HS3ST4: variants seen among roughly 807,000 people sequenced by gnomAD.
HS3ST4 encodes heparan sulfate-glucosamine 3-sulfotransferase 4.
A neutral mutation model predicts 29.2 loss-of-function variants in HS3ST4; 17 were observed. That is an observed-to-expected ratio of 0.58 (90% confidence interval 0.40 to 0.87). The LOEUF (loss-of-function observed/expected upper bound fraction) is 0.87. Among genes scored for constraint, HS3ST4 ranks in the 40% least tolerant of loss-of-function variants. The probability of loss-of-function intolerance (pLI) is 0.00; values close to 1 mark genes in which losing one functional copy is unlikely to be tolerated. For missense variants in HS3ST4, 627 were observed against 634.5 expected, an observed-to-expected ratio of 0.99 and a Z score of 0.13; for synonymous variants, 314 against 285.7, an observed-to-expected ratio of 1.10 and a Z score of -1.00.
intron 1 of HS3ST4, among the ~76,000 whole-genome samples, chr16:25,726,451 CACAT>C (rs1966535423): frequency 6.6e-6 from 1 of 151,690 alleles, no homozygotes; most frequent in South Asian, 2.1e-4. Flanking sequence ...AACACACACA[CACAT>C]ACACACACAC....
intron 1 of HS3ST4, among the ~76,000 whole-genome samples, chr16:25,986,958 G>A (rs148062176): frequency 6.6e-6 from 1 of 152,334 alleles, no homozygotes; most frequent in Non-Finnish European, 1.5e-5. Context: ...TCAGAAACAG[G>A]TTGTTAATCG....
intron 1 of HS3ST4, among the ~76,000 whole-genome samples, chr16:25,893,778 T>C (rs116446709): frequency 0.015 from 2,272 of 152,312 alleles, 71 homozygotes; most frequent in African/African-American, 0.052. Flanking sequence ...GTGATGGGCA[T>C]TGGACAGGTG....
intron 1 of HS3ST4, among the ~76,000 whole-genome samples, chr16:26,081,173 G>A (rs1485778284): frequency 2.0e-5 from 3 of 151,888 alleles, no homozygotes; most frequent in African/African-American, 7.3e-5. Context: ...TGTAGTCCCA[G>A]CTATTTGGGA....
At chr16:26,028,857 C>T (rs751558891) in intron 1 of HS3ST4, 1 of 152,198 alleles carries the variant, frequency 6.6e-6, no homozygotes, top group Non-Finnish European at 1.5e-5. Context: ...AACACAGAGC[C>T]CTGACCTACA....
At chr16:25,701,171 G>A (rs1233751035) in intron 1 of HS3ST4, among the ~76,000 whole-genome samples, 3 of 152,196 alleles carry the variant, frequency 2.0e-5, no homozygotes, top group African/African-American at 7.2e-5. Context: ...GTTTAGGCAA[G>A]ATGGTAAGAA....
At chr16:26,120,760 G>C (rs1899264768) in intron 1 of HS3ST4, among the ~76,000 whole-genome samples, 1 of 152,200 alleles carries the variant, frequency 6.6e-6, no homozygotes, top group East Asian at 1.9e-4. Flanking sequence ...AACATTGTCT[G>C]TCTTGCTGAC....
intron 1 of HS3ST4, among the ~76,000 whole-genome samples, chr16:26,000,114 C>T (rs901553917): frequency 6.6e-6 from 1 of 151,586 alleles, no homozygotes; most frequent in African/African-American, 2.4e-5. Flanking sequence ...GAAAGTTAAG[C>T]TCTTGCAATT....
chr16:26,121,465 G>A (rs1327173235), intron 1 of HS3ST4, among the ~76,000 whole-genome samples: 1 of 152,190 alleles, frequency 6.6e-6, no homozygotes, highest in Non-Finnish European at 1.5e-5. Flanking sequence ...GCTCAGAATT[G>A]CGATGGTCCA....
At chr16:25,828,284 CTTTCTTTCTTTCTTTCCCTCTCTCTCT>C (rs1967249995) in intron 1 of HS3ST4, among the ~76,000 whole-genome samples, 1 of 89,452 alleles carries the variant, frequency 1.1e-5, no homozygotes, top group Non-Finnish European at 2.2e-5. Context: ...TTCTTTCTTT[CTTTCTTTCTTTCTTTCCCTCTCTCTCT>C]CTCTCTCTCT....
At chr16:25,858,040 C>T (rs184759934) in intron 1 of HS3ST4, among the ~76,000 whole-genome samples, 7 of 141,838 alleles carry the variant, frequency 4.9e-5, no homozygotes, top group Admixed American at 4.2e-4. Context: ...CTTTCTCTTT[C>T]TTCTTTCTCT....
chr16:25,848,495 G>T, intron 1 of HS3ST4, among the ~76,000 whole-genome samples: 1 of 150,878 alleles, frequency 6.6e-6, no homozygotes, highest in Non-Finnish European at 1.5e-5. Context: ...CCCTTTTTGA[G>T]TTTACTTTGG....
chr16:25,721,685 G>A (rs1213047560), intron 1 of HS3ST4, among the ~76,000 whole-genome samples: 2 of 152,166 alleles, frequency 1.3e-5, no homozygotes, highest in Non-Finnish European at 2.9e-5. Context: ...GACATCTGTT[G>A]GATTACACCT....
At chr16:25,749,778 T>C (rs1350017247) in intron 1 of HS3ST4, among the ~76,000 whole-genome samples, 1 of 152,212 alleles carries the variant, frequency 6.6e-6, no homozygotes, top group Non-Finnish European at 1.5e-5. Context: ...TTCTTTGTTG[T>C]TGTTTTTATT....
chr16:26,001,993 G>A (rs184300878), intron 1 of HS3ST4, among the ~76,000 whole-genome samples: 1,813 of 152,246 alleles, frequency 0.012, 19 homozygotes, highest in Non-Finnish European at 0.018. Context: ...CAAGGAAAAT[G>A]AACAAGCCAC....
At chr16:25,758,057 A>G (rs8046752) in intron 1 of HS3ST4, among the ~76,000 whole-genome samples, 23,143 of 152,094 alleles carry the variant, frequency 0.15, 2,008 homozygotes, top group African/African-American at 0.23. Flanking sequence ...TCAGTCTGTC[A>G]TAGAAAGATT....
intron 1 of HS3ST4, among the ~76,000 whole-genome samples, chr16:25,936,325 A>G (rs1968516887): frequency 6.6e-6 from 1 of 152,166 alleles, no homozygotes; most frequent in Admixed American, 6.6e-5. Context: ...AGATGATACA[A>G]GGCTGGGTGT....
intron 1 of HS3ST4, among the ~76,000 whole-genome samples, chr16:26,090,065 A>C (rs777132124): frequency 1.3e-4 from 20 of 152,222 alleles, no homozygotes; most frequent in Non-Finnish European, 2.4e-4. Flanking sequence ...TAATCTATGT[A>C]AAGTATCAGA....
intron 1 of HS3ST4, among the ~76,000 whole-genome samples, chr16:25,719,102 CT>C (rs529766155): frequency 6.6e-6 from 1 of 152,164 alleles, no homozygotes; most frequent in Non-Finnish European, 1.5e-5. Flanking sequence ...AAAGAGTTGA[CT>C]TTTTAAAGAT....
At chr16:25,719,122 A>T (rs148515499) in intron 1 of HS3ST4, among the ~76,000 whole-genome samples, 1,665 of 152,362 alleles carry the variant, frequency 0.011, 10 homozygotes, top group Non-Finnish European at 0.019. Flanking sequence ...ATATGTCTTA[A>T]CATCGTGAGA....
Sources: allele counts gnomAD v4.1 joint callset (sites outside exome capture counted in the v4.1 genomes callset), GRCh38; gene constraint gnomAD v4.1.1; transcripts MANE v1.5; gene names NCBI Gene and HGNC (gene_info 2026-07-23, HGNC 2026-07-21).